Variants in GRM1 observed in about 807,000 individuals in gnomAD.
GRM1 encodes the protein metabotropic glutamate receptor 1.
GRM1 carries 33 observed loss-of-function variants against 90.9 expected under a neutral mutation model. The observed-to-expected ratio is 0.36, with a 90% CI of 0.28 to 0.49. The LOEUF (loss-of-function observed/expected upper bound fraction) is 0.49. Among genes scored for constraint, GRM1 ranks in the 20% least tolerant of loss-of-function variants. GRM1 has a pLI of 0.99. For missense variants in GRM1, 1,190 were observed against 1,534.3 expected (o/e 0.78, Z 3.75); for synonymous variants, 700 against 613.2 (o/e 1.14, Z -2.09).
At chr6:146,090,666 T>C (rs1776686031) in intron 1 of GRM1, among the ~76,000 whole-genome samples, 1 of 152,042 alleles carries the variant, frequency 6.6e-6, no homozygotes, top group African/African-American at 2.4e-5. Flanking sequence ...ACACAGACTA[T>C]GATTGCTAAG....
At chr6:146,148,029 G>A (rs900888613) in intron 1 of GRM1, among the ~76,000 whole-genome samples, 1 of 152,134 alleles carries the variant, frequency 6.6e-6, no homozygotes, top group Non-Finnish European at 1.5e-5. Context: ...ACAGAAAGTG[G>A]CACATAGCCT....
At chr6:146,181,023 G>T (rs1778532778) in intron 2 of GRM1, among the ~76,000 whole-genome samples, 1 of 152,068 alleles carries the variant, frequency 6.6e-6, no homozygotes, top group Admixed American at 6.5e-5. Flanking sequence ...AATTATAAGA[G>T]AAATTCTGCT....
At chr6:146,037,654 C>A (rs1205650670) in intron 1 of GRM1, among the ~76,000 whole-genome samples, 2 of 151,904 alleles carry the variant, frequency 1.3e-5, no homozygotes, top group East Asian at 3.9e-4. Context: ...CAGCTCTTAC[C>A]TTAGTTTTGG....
In GRM1 at chr6:146,120,157, A is replaced by G. The variant is rs1385247742; in HGVS notation, c.701-39191A>G. Among the ~76,000 whole-genome samples, 3 of 152,192 alleles carry G rather than the reference A, an allele frequency of 2.0e-5. No individual in the cohort carries two copies. The South Asian group carries it at 6.2e-4, about 32-fold the overall frequency. ...AGTTCTACTTGAAGAGGCCTTTCAC[A>G]TCCCTTGTAAGGTGGATTCCTAGGT... On this transcript the variant is annotated intron_variant, in intron 1 of 7. Coordinates refer to ENST00000282753, the MANE Select transcript of GRM1 (RefSeq NM_001278064.2).
At chr6:146,232,326 C>T (rs1426282157) in intron 2 of GRM1, among the ~76,000 whole-genome samples, 1 of 152,050 alleles carries the variant, frequency 6.6e-6, no homozygotes, top group African/African-American at 2.4e-5. Flanking sequence ...ATCCACACAT[C>T]ATCATCCCTT....
intron 1 of GRM1, among the ~76,000 whole-genome samples, chr6:146,089,906 G>A (rs1582987759): frequency 6.6e-6 from 1 of 152,014 alleles, no homozygotes; most frequent in South Asian, 2.1e-4. Flanking sequence ...TCCGGTTACA[G>A]GGGTTATCTC....
At chr6:146,101,991 C>T (rs986475429) in intron 1 of GRM1, among the ~76,000 whole-genome samples, 5 of 152,042 alleles carry the variant, frequency 3.3e-5, no homozygotes, top group African/African-American at 1.2e-4. Context: ...ATGAGATGGC[C>T]TTTCCATTGT....
chr6:146,331,154 C>A lies in GRM1; in HGVS notation c.1187-21096C>A, dbSNP rs1043001500. 4.6e-5 allele frequency among the ~76,000 whole-genome samples: 7 copies of A among 152,114 alleles called. No homozygotes were observed. In the South Asian group the frequency reaches 1.5e-3, roughly 32 times the overall value. On this transcript the variant is annotated intron_variant, in intron 3 of 7. Coordinates refer to ENST00000282753, the MANE Select transcript of GRM1 (RefSeq NM_001278064.2). ...GTCTCAGAAGAGCGGCTGATAGGGG[C>A]TGCTGCCCTGGCAGCATTCAGAGAG...
chr6:146,390,643 C>T (rs1374378990), intron 6 of GRM1, among the ~76,000 whole-genome samples: 6 of 150,592 alleles, frequency 4.0e-5, no homozygotes, highest in Non-Finnish European at 7.4e-5. Flanking sequence ...ACTTTTTTTC[C>T]ATTCCGACAG....
At chr6:146,159,827 A>G in intron 2 of GRM1, 1 of 444,886 alleles carries the variant, frequency 2.2e-6, no homozygotes, top group South Asian at 2.1e-5. Context: ...AGGAGGGAGG[A>G]TTGGTTAAGC....
rs79769993 is a variant in GRM1, at chr6:146,372,994, T to C, written c.1603-13896T>C. ...ACTTTAGGATAGTTTTTTCTATTTC[T>C]ATGAAAAATGAAATTGGTCTTTTGA... On this transcript the variant is annotated intron_variant, in intron 5 of 7. Coordinates refer to ENST00000282753, the MANE Select transcript of GRM1 (RefSeq NM_001278064.2). Among the ~76,000 whole-genome samples the C allele has an allele frequency of 1.4e-4, 22 of 152,302 alleles. No homozygotes were observed. The East Asian group carries it at 4.0e-3, about 28-fold the overall frequency.
At chr6:146,165,934 C>T (rs1162136033) in intron 2 of GRM1, among the ~76,000 whole-genome samples, 2 of 151,974 alleles carry the variant, frequency 1.3e-5, no homozygotes, top group Admixed American at 6.6e-5. Flanking sequence ...TTTCAGATAC[C>T]GGACATCTGA....
At chr6:146,418,236 CT>C (rs1332702080) in intron 7 of GRM1, among the ~76,000 whole-genome samples, 1 of 151,844 alleles carries the variant, frequency 6.6e-6, no homozygotes, top group Non-Finnish European at 1.5e-5. Flanking sequence ...TACATTATAT[CT>C]TTTTTTAAGT....
At chr6:146,242,754 G>A (rs936036489) in intron 2 of GRM1, among the ~76,000 whole-genome samples, 17 of 151,932 alleles carry the variant, frequency 1.1e-4, no homozygotes, top group Admixed American at 5.9e-4. Context: ...TTGTAATGCC[G>A]CTCTATCTGA....
intron 3 of GRM1, among the ~76,000 whole-genome samples, chr6:146,350,952 G>A (rs1478916939): frequency 2.6e-5 from 4 of 152,074 alleles, no homozygotes. Flanking sequence ...CACTCTCAGG[G>A]TAGATATAAG....
intron 2 of GRM1, among the ~76,000 whole-genome samples, chr6:146,211,332 C>A (rs1779680998): frequency 6.9e-6 from 1 of 145,136 alleles, no homozygotes. Context: ...AGACAGAACC[C>A]AGTCTCTAAT....
intron 7 of GRM1, among the ~76,000 whole-genome samples, chr6:146,407,571 AT>A (rs1197220609): frequency 6.6e-6 from 1 of 152,176 alleles, no homozygotes; most frequent in Admixed American, 6.5e-5. Context: ...TCATATGTTA[AT>A]GTGTAGTTTC....
At chr6:146,217,402 T>G (rs913322165) in intron 2 of GRM1, among the ~76,000 whole-genome samples, 1 of 152,208 alleles carries the variant, frequency 6.6e-6, no homozygotes, top group Non-Finnish European at 1.5e-5. Flanking sequence ...ATTGTTTTAT[T>G]TACCGATAAA....
At chr6:146,108,950 T>C (rs985764633) in intron 1 of GRM1, among the ~76,000 whole-genome samples, 2 of 152,172 alleles carry the variant, frequency 1.3e-5, no homozygotes, top group African/African-American at 4.8e-5. Flanking sequence ...ATTTAGGGTA[T>C]CTGGCAGAAG....
Sources: gnomAD v4.1 joint callset for allele counts (sites outside exome capture counted in the v4.1 genomes callset) on GRCh38, gnomAD v4.1.1 for gene constraint, MANE v1.5 for transcripts, NCBI Gene and HGNC (gene_info 2026-07-23, HGNC 2026-07-21) for gene names.